The following TAB3 variants were observed in gnomAD, a reference collection of about 807,000 sequenced individuals.
TAB3 encodes TGF-beta activated kinase 1 (MAP3K7) binding protein 3, also known as TGF-beta-activated kinase 1 and MAP3K7-binding protein 3.
TAB3 carries 18 observed loss-of-function variants against 48.1 expected under a neutral mutation model. The observed-to-expected ratio is 0.37, with a 90% CI of 0.26 to 0.55. The LOEUF (loss-of-function observed/expected upper bound fraction) is 0.55. Among genes scored for constraint, TAB3 ranks in the 20% least tolerant of loss-of-function variants. The pLI is 0.78. For synonymous variants in TAB3, 185 were observed against 190.2 expected, an observed-to-expected ratio of 0.97 and a Z score of 0.22; for missense variants, 414 against 549.8, an observed-to-expected ratio of 0.75 and a Z score of 2.47.
Position 30,830,110 on chromosome X carries a change from C to A in TAB3, c.*1317G>T, listed in dbSNP as rs1418471243. On this transcript the variant is annotated 3_prime_UTR_variant, in exon 11 of 11. Transcript: ENST00000288422. ...CACATGACTTTATATCTCTTATCCGCACCCTGAAGTTCTATTTCATAAATA... is the reference window on the plus strand; with the variant it reads ...CACATGACTTTATATCTCTTATCCGAACCCTGAAGTTCTATTTCATAAATA... 1.8e-5 allele frequency: 2 copies of A among 111,539 alleles called. No homozygotes were observed. Among genetic ancestry groups the A allele is most frequent in the East Asian group, 5.6e-4 (2 of 3,552 alleles). 9.2% of individuals were successfully genotyped at this position (111,539 alleles called of 1,213,427 possible).
intron 9 of TAB3, 45 bp downstream of exon 9, chrX:30,842,921 T>C (rs772393919): frequency 2.3e-6 from 2 of 852,809 alleles, no homozygotes; most frequent in Admixed American, 6.4e-5. Flanking sequence ...CCCAAATTAT[T>C]TTGACATTTA....
chrX:30,866,102 C>T (rs1241540362), intron 4 of TAB3, among the ~76,000 whole-genome samples: 1 of 111,334 alleles, frequency 9.0e-6, no homozygotes, highest in Non-Finnish European at 1.9e-5. Context: ...ATCTCATATT[C>T]TGTAAGTCTC....
At chrX:30,878,333 ATACAAAAAT>A (rs1240451135) in intron 1 of TAB3, among the ~76,000 whole-genome samples, 1 of 109,937 alleles carries the variant, frequency 9.1e-6, no homozygotes, top group African/African-American at 3.3e-5. Flanking sequence ...TCTACTAAAA[ATACAAAAAT>A]TACAAAAATT....
chrX:30,847,782 A>T (rs1938679346), intron 7 of TAB3, among the ~76,000 whole-genome samples: 1 of 111,729 alleles, frequency 9.0e-6, no homozygotes, highest in South Asian at 3.6e-4. Flanking sequence ...GTTAGGAGCT[A>T]TTATCAGAGT....
At chrX:30,886,876 C>A (rs1940146123) in intron 1 of TAB3, among the ~76,000 whole-genome samples, 1 of 112,383 alleles carries the variant, frequency 8.9e-6, no homozygotes, top group South Asian at 3.7e-4. Context: ...AAAGTGACCA[C>A]TGGCAAGATG....
At chrX:30,876,791 G>A (rs1158276190) in intron 1 of TAB3, among the ~76,000 whole-genome samples, 5 of 111,401 alleles carry the variant, frequency 4.5e-5, no homozygotes, top group Non-Finnish European at 9.4e-5. Context: ...CCGAAACTAA[G>A]AATTCAATAA....
chrX:30,855,565 A>G lies in TAB3; in HGVS notation c.103-3T>C, dbSNP rs1939036021. 1 of 1,169,633 alleles carries G rather than the reference A, an allele frequency of 8.5e-7. No homozygotes were observed. ...CAGGCTTCAAGATTGTTGTTATTCT[A>G]GGGGAGAAAAATGGTAAAAGTAACA... On this transcript the variant is annotated splice_polypyrimidine_tract_variant and splice_region_variant and intron_variant, in intron 5 of 10. Transcript: ENST00000288422.
At chrX:30,836,531 G>A (rs1309540378) in intron 9 of TAB3, 1 of 111,988 alleles carries the variant, frequency 8.9e-6, no homozygotes, top group Non-Finnish European at 1.9e-5. Context: ...TTGTGTTTGA[G>A]TTAAATGAGT....
At chrX:30,832,563 T>C (rs954042870) in intron 10 of TAB3, among the ~76,000 whole-genome samples, 1 of 112,378 alleles carries the variant, frequency 8.9e-6, no homozygotes, top group African/African-American at 3.2e-5. Flanking sequence ...TATTTTGGGC[T>C]AGGCATATCT....
intron 8 of TAB3, chrX:30,843,622 A>T (rs1938526161): frequency 8.9e-6 from 1 of 112,332 alleles, no homozygotes; most frequent in Non-Finnish European, 1.9e-5. Flanking sequence ...CTTATTTTCA[A>T]GAAAAGGAGA....
At chrX:30,879,909 T>C (rs1159891362) in intron 1 of TAB3, among the ~76,000 whole-genome samples, 1 of 111,395 alleles carries the variant, frequency 9.0e-6, no homozygotes, top group Non-Finnish European at 1.9e-5. Flanking sequence ...TATAAAGATA[T>C]AAACAAACAA....
chrX:30,868,316 T>TTTTATATATATATAGCTTATA (rs1569221031), intron 2 of TAB3, among the ~76,000 whole-genome samples: 71 of 1,474 alleles, frequency 0.048, 28 homozygotes, highest in African/African-American at 0.18. Flanking sequence ...TATATATAGC[T>TTTTATATATATATAGCTTATA]TATATATATA....
At position 30,855,428 on chromosome X, in the gene TAB3, A is replaced by G; in HGVS notation, c.237T>C (p.His79=). Residue 79 remains histidine, a synonymous_variant, in exon 6 of 11, where the codon CAT becomes CAC. Transcript: ENST00000288422. ...CTCCTGGGTGATAGCTACTAGGAGA[A>G]TGGATACCCAGGTTAATATGTAAAA... The part of the protein sequence containing the change: ...NRLLHINLGI[H]SPSSYHPGDG... 1 of 1,211,426 alleles carries G rather than the reference A, an allele frequency of 8.3e-7. No homozygotes were observed. Among genetic ancestry groups the G allele is most frequent in the Non-Finnish European group, 1.1e-6 (1 of 895,330 alleles).
chrX:30,872,662 G>A (rs762263228), intron 1 of TAB3, among the ~76,000 whole-genome samples: 186 of 112,677 alleles, frequency 1.7e-3, no homozygotes, highest in Non-Finnish European at 3.2e-3. Flanking sequence ...AATAGCAGAA[G>A]TGACCAAATT....
chrX:30,867,299 T>C (rs981931329), intron 3 of TAB3, 81 bp from the exon 4 acceptor site: 8 of 112,193 alleles, frequency 7.1e-5, no homozygotes, highest in African/African-American at 2.6e-4. Flanking sequence ...TGTTTCAATA[T>C]TGGTTCACTA....
chrX:30,853,758 T>G (rs1938946280), intron 6 of TAB3, among the ~76,000 whole-genome samples: 1 of 112,615 alleles, frequency 8.9e-6, no homozygotes, highest in South Asian at 3.7e-4. Flanking sequence ...CACTGCAACC[T>G]CTGCCTCCTG....
At position 30,859,649 on chromosome X, in the gene TAB3, G is replaced by T; in HGVS notation, c.-61C>A. On this transcript the variant is annotated 5_prime_UTR_variant, in exon 5 of 11. It introduces an in-frame stop codon into an upstream open reading frame of the 5' UTR. Transcript: ENST00000288422. ...ATGGATGTTAACCGGCTTTCCAAAAGTAATGATCTTCTAGCACCACAGTCA... is the reference window on the plus strand; with the variant it reads ...ATGGATGTTAACCGGCTTTCCAAAATTAATGATCTTCTAGCACCACAGTCA... 2 of 725,440 alleles carry T rather than the reference G, an allele frequency of 2.8e-6. No individual in the cohort carries two copies. The highest frequency in any genetic ancestry group is 4.2e-6 in the Non-Finnish European group (2 of 480,545). 59.8% of individuals were successfully genotyped at this position (725,440 alleles called of 1,213,427 possible). A position where few individuals can be genotyped will look rare whatever the true frequency, so the allele number is the denominator to read the frequency against.
At chrX:30,877,105 G>A (rs965862204) in intron 1 of TAB3, among the ~76,000 whole-genome samples, 3 of 112,119 alleles carry the variant, frequency 2.7e-5, no homozygotes, top group African/African-American at 9.7e-5. Flanking sequence ...AGGGGCAGAG[G>A]TGGGGAGATT....
intron 4 of TAB3, among the ~76,000 whole-genome samples, chrX:30,863,301 C>A (rs1003679724): frequency 1.8e-5 from 2 of 112,263 alleles, no homozygotes; most frequent in African/African-American, 6.5e-5. Context: ...ATAACTATAT[C>A]ATGTTAAAAT....
Sources: gnomAD v4.1 joint callset for allele counts (sites outside exome capture counted in the v4.1 genomes callset) on GRCh38, gnomAD v4.1.1 for gene constraint, MANE v1.5 for transcripts, NCBI Gene and HGNC (gene_info 2026-07-23, HGNC 2026-07-21) for gene names.